The following ORC4 variants were observed in gnomAD, a reference collection of about 807,000 sequenced individuals.
The protein encoded by ORC4 is origin recognition complex subunit 4, also known as origin recognition complex, subunit 4 homolog.
Under a neutral mutation model 63.9 loss-of-function variants are expected in ORC4, and 55 were observed. The ratio of observed to expected loss-of-function variants is 0.86; its 90% CI spans 0.69 to 1.08. The LOEUF (loss-of-function observed/expected upper bound fraction) is 1.08. Among genes scored for constraint, ORC4 ranks in the 50% least tolerant of loss-of-function variants. The pLI is 0.00. For synonymous variants in ORC4, 150 were observed against 168.5 expected (o/e 0.89, Z 0.85); for missense variants, 511 against 504.4 (o/e 1.01, Z -0.13).
chr2:147,963,346 T>A (rs933235644), intron 4 of ORC4, among the ~76,000 whole-genome samples: 1 of 151,932 alleles, frequency 6.6e-6, no homozygotes, highest in African/African-American at 2.4e-5. Context: ...GGCCATCTGC[T>A]GCAGAAAAGT....
At chr2:147,937,545 G>A (rs1044979296) in intron 13 of ORC4, among the ~76,000 whole-genome samples, 14 of 152,082 alleles carry the variant, frequency 9.2e-5, no homozygotes, top group Non-Finnish European at 1.5e-5. Context: ...ATACCTTACT[G>A]TTCTTCTATA....
intron 1 of ORC4, among the ~76,000 whole-genome samples, chr2:147,982,626 C>A (rs1385953293): frequency 9.2e-5 from 14 of 152,126 alleles, no homozygotes; most frequent in Admixed American, 9.2e-4. Flanking sequence ...GGCCAGCATT[C>A]ATAAAAGAAA....
intron 1 of ORC4, among the ~76,000 whole-genome samples, chr2:147,976,319 A>G (rs966797961): frequency 2.0e-5 from 3 of 152,206 alleles, no homozygotes; most frequent in Non-Finnish European, 2.9e-5. Flanking sequence ...TTTTTTAGCA[A>G]TAAGGTATTT....
At chr2:147,979,051 C>T (rs1690720389) in intron 1 of ORC4, among the ~76,000 whole-genome samples, 1 of 152,120 alleles carries the variant, frequency 6.6e-6, no homozygotes, top group South Asian at 2.1e-4. Flanking sequence ...AGATCAAGAA[C>T]ATGACAAGAA....
At chr2:147,979,073 G>A (rs1234754017) in intron 1 of ORC4, among the ~76,000 whole-genome samples, 1 of 152,068 alleles carries the variant, frequency 6.6e-6, no homozygotes, top group Non-Finnish European at 1.5e-5. Context: ...GCCCACTTTG[G>A]CCATTTATAT....
At chr2:147,940,058 G>A (rs1029325595) in intron 10 of ORC4, among the ~76,000 whole-genome samples, 9 of 152,106 alleles carry the variant, frequency 5.9e-5, no homozygotes, top group African/African-American at 1.9e-4. Context: ...TGATTAGCTG[G>A]GCAGAGAGTT....
chr2:148,016,782 C>T (rs1407572272), intron 1 of ORC4, among the ~76,000 whole-genome samples: 1 of 152,178 alleles, frequency 6.6e-6, no homozygotes, highest in East Asian at 1.9e-4. Flanking sequence ...GTTAGAGCCT[C>T]GTTATAATGA....
At chr2:148,017,526 G>C (rs893895918) in intron 1 of ORC4, among the ~76,000 whole-genome samples, 22 of 152,082 alleles carry the variant, frequency 1.4e-4, no homozygotes, top group Non-Finnish European at 3.1e-4. Context: ...AAAAACATTA[G>C]CCAGGTGTGG....
intron 1 of ORC4, among the ~76,000 whole-genome samples, chr2:148,006,804 C>T (rs1188227576): frequency 1.3e-5 from 2 of 152,152 alleles, no homozygotes; most frequent in African/African-American, 4.8e-5. Context: ...CTTGGGTGAG[C>T]CCCAATACTG....
intron 6 of ORC4, 139 bp from the exon 7 acceptor site, chr2:147,955,534 C>T (rs1241773116): frequency 1.7e-6 from 1 of 596,052 alleles, no homozygotes; most frequent in Non-Finnish European, 3.0e-6. Context: ...TGCTGAGTGT[C>T]TCTATACTTC....
chr2:147,937,967 C>T (rs1317072667), intron 13 of ORC4, 179 bp downstream of exon 13: 4 of 628,946 alleles, frequency 6.4e-6, no homozygotes, highest in Non-Finnish European at 1.1e-5. Context: ...CAAACTAAAA[C>T]AACCGGTCAC....
At chr2:147,960,004 A>T (rs1689496774) in intron 4 of ORC4, among the ~76,000 whole-genome samples, 1 of 151,718 alleles carries the variant, frequency 6.6e-6, no homozygotes, top group East Asian at 1.9e-4. Context: ...TTTATTTTTT[A>T]TTTTTTTTGC....
chr2:148,005,675 A>C (rs1303589942), intron 1 of ORC4, among the ~76,000 whole-genome samples: 1 of 150,472 alleles, frequency 6.6e-6, no homozygotes. Flanking sequence ...AAAAAAAAAA[A>C]AAAAACAACC....
intron 4 of ORC4, among the ~76,000 whole-genome samples, chr2:147,967,733 T>C (rs1041943095): frequency 2.0e-5 from 3 of 151,906 alleles, no homozygotes; most frequent in African/African-American, 4.8e-5. Context: ...CCAGAAGCAA[T>C]CTACAGTTTC....
chr2:148,014,193 C>T (rs532453294), intron 1 of ORC4, among the ~76,000 whole-genome samples: 35 of 152,090 alleles, frequency 2.3e-4, no homozygotes, highest in Admixed American at 5.2e-4. Context: ...AAAATAAACA[C>T]AAAAAATCAA....
intron 2 of ORC4, among the ~76,000 whole-genome samples, chr2:147,974,436 C>T (rs967664513): frequency 1.3e-5 from 2 of 151,952 alleles, no homozygotes; most frequent in African/African-American, 2.4e-5. Context: ...GAGTTCAAGA[C>T]CAGCCTGGCC....
intron 1 of ORC4, among the ~76,000 whole-genome samples, chr2:148,005,714 C>A (rs1011437695): frequency 7.2e-6 from 1 of 139,270 alleles, no homozygotes; most frequent in African/African-American, 2.7e-5. Flanking sequence ...CACAGTGGTA[C>A]ATGCCCATAA....
chr2:148,010,667 C>T (rs1332743273), intron 1 of ORC4, among the ~76,000 whole-genome samples: 1 of 151,846 alleles, frequency 6.6e-6, no homozygotes, highest in African/African-American at 2.4e-5. Flanking sequence ...CGAAATAGAC[C>T]CATAATAAGT....
intron 1 of ORC4, among the ~76,000 whole-genome samples, chr2:147,977,183 C>T (rs1424490126): frequency 6.6e-6 from 1 of 152,150 alleles, no homozygotes; most frequent in Admixed American, 6.5e-5. Flanking sequence ...CAAAATCAAA[C>T]AGTATATAAA....
Sources: allele counts gnomAD v4.1 joint callset (sites outside exome capture counted in the v4.1 genomes callset), GRCh38; gene constraint gnomAD v4.1.1; transcripts MANE v1.5; gene names NCBI Gene and HGNC (gene_info 2026-07-23, HGNC 2026-07-21).